PSORS1C1: variants seen among roughly 807,000 people sequenced by gnomAD.
PSORS1C1 encodes psoriasis susceptibility 1 candidate gene 1 protein.
A neutral mutation model predicts 9.4 loss-of-function variants in PSORS1C1; 7 were observed. The ratio of observed to expected loss-of-function variants is 0.75; its 90% CI spans 0.42 to 1.40. The LOEUF is 1.40. Ranked by LOEUF, PSORS1C1 falls within the 40% of genes most tolerant of loss-of-function variation. PSORS1C1 has a pLI of 0.01. For synonymous variants in PSORS1C1, 63 were observed against 69.4 expected, an observed-to-expected ratio of 0.91 and a Z score of 0.46; for missense variants, 146 against 178.1, an observed-to-expected ratio of 0.82 and a Z score of 1.02.
At chr6:31,138,848 G>A (rs1773304931) in intron 5 of PSORS1C1, 69 bp downstream of exon 5, 1 of 1,608,224 alleles carries the variant, frequency 6.2e-7, no homozygotes, top group Non-Finnish European at 8.5e-7. Context: ...TTTCTGGTGA[G>A]CCAGATGCAC....
intron 3 of PSORS1C1, chr6:31,137,827 C>A: frequency 2.1e-6 from 1 of 467,718 alleles, no homozygotes; most frequent in Non-Finnish European, 3.8e-6. Flanking sequence ...AGAATAAAAC[C>A]GAGGGAATGA....
intron 1 of PSORS1C1, among the ~76,000 whole-genome samples, chr6:31,124,990 T>C (rs3095304): frequency 0.87 from 132,000 of 151,726 alleles, 57,732 homozygotes; most frequent in Middle Eastern, 0.97. Context: ...TGAAGAATTC[T>C]TAAGTGAAGG....
chr6:31,139,227 GCCCAGGAC>G lies in PSORS1C1; in HGVS notation c.168-411_168-404del, dbSNP rs1180153428. On this transcript the variant is annotated intron_variant, in intron 5 of 5. Transcript: ENST00000259881. The surrounding 1 kb of genome is among the most constrained non-coding windows in gnomAD (Gnocchi z 5.2). ...TGGCGTCCCTTATTTTAGTCCTCCA[GCCCAGGAC>G]CCAGCTGCCTGCTCTCCCTATCATG... is the stretch of plus-strand genomic sequence containing the variant. 2 of 593,184 alleles carry G rather than the reference GCCCAGGAC, an allele frequency of 3.4e-6. No homozygotes were observed. The highest frequency in any genetic ancestry group is 5.6e-5 in the East Asian group (2 of 35,978). The allele number at this position is 593,184 out of a possible 1,614,324, so 36.7% of individuals were successfully genotyped here.
intron 4 of PSORS1C1, 84 bp downstream of exon 4, chr6:31,138,543 T>A: frequency 6.2e-7 from 1 of 1,607,436 alleles, no homozygotes; most frequent in Non-Finnish European, 8.5e-7. Flanking sequence ...TGACCCACTT[T>A]AAACTGACCA....
Position 31,138,653 on chromosome 6 carries a change from C to CA in PSORS1C1, c.44-2dup, listed in dbSNP as rs747723698. 1.7e-5 allele frequency: 28 copies of CA among 1,613,100 alleles called. 1 individual carries two copies. The highest frequency in any genetic ancestry group is 1.6e-4 in the Middle Eastern group (1 of 6,084). ...CCAAAGTGGGTTACACCTTGGCCCC[C>CA]AGGCACACAGACCCCAGCTTTACAA... is the stretch of plus-strand genomic sequence containing the variant. On this transcript the variant is annotated splice_region_variant and splice_polypyrimidine_tract_variant and intron_variant, in intron 4 of 5. Coordinates refer to ENST00000259881, the MANE Select transcript of PSORS1C1 (RefSeq NM_014068.3).
chr6:31,115,918 G>T lies in PSORS1C1; in HGVS notation c.-229+1027G>T. 1 of 995,770 alleles carries T rather than the reference G, an allele frequency of 1.0e-6. No homozygotes were observed. The highest frequency in any genetic ancestry group is 1.6e-6 in the Non-Finnish European group (1 of 636,636). The allele number at this position is 995,770 out of a possible 1,614,324, so 61.7% of individuals were successfully genotyped here. A position where few individuals can be genotyped will look rare whatever the true frequency, so the allele number is the denominator to read the frequency against. On this transcript the variant is annotated intron_variant, in intron 1 of 5. Coordinates refer to ENST00000259881, the MANE Select transcript of PSORS1C1 (RefSeq NM_014068.3). This position sits in a 1 kb window ranked among gnomAD's most constrained non-coding sequence, Gnocchi z 4.2. ...AGCAGAACCACTCTTTTGGGAAGGA[G>T]GGAAACTGAGCTAACCCTATGCCTG...
chr6:31,123,153 G>A (rs920374961), intron 1 of PSORS1C1, among the ~76,000 whole-genome samples: 30 of 152,122 alleles, frequency 2.0e-4, no homozygotes, highest in African/African-American at 5.1e-4. Context: ...GTCTCCAGCC[G>A]CCCACGTGGA....
chr6:31,139,246 G>A lies in PSORS1C1; in HGVS notation c.168-395G>A, dbSNP rs1269986578. 2.6e-5 allele frequency: 15 copies of A among 586,378 alleles called. No individual in the cohort carries two copies. Among genetic ancestry groups the A allele is most frequent in the Non-Finnish European group, 4.2e-5 (14 of 329,528 alleles). The allele number at this position is 586,378 out of a possible 1,614,324, so 36.3% of individuals were successfully genotyped here. On this transcript the variant is annotated intron_variant, in intron 5 of 5. Transcript: ENST00000259881. This position sits in a 1 kb window ranked among gnomAD's most constrained non-coding sequence, Gnocchi z 5.2. ...CCTCCAGCCCAGGACCCAGCTGCCT[G>A]CTCTCCCTATCATGACCCAGAGCCT... is the stretch of plus-strand genomic sequence containing the variant.
At chr6:31,135,772 C>T (rs1314370857) in intron 3 of PSORS1C1, among the ~76,000 whole-genome samples, 3 of 152,054 alleles carry the variant, frequency 2.0e-5, no homozygotes, top group African/African-American at 4.8e-5. Flanking sequence ...CGCGGTGGCT[C>T]GTGCCTGTAA....
chr6:31,129,394 A>G (rs890167813), intron 2 of PSORS1C1, among the ~76,000 whole-genome samples, 175 bp from the exon 3 acceptor site: 3 of 152,190 alleles, frequency 2.0e-5, no homozygotes, highest in Non-Finnish European at 4.4e-5. Flanking sequence ...AGCCAGCACA[A>G]TGGGTTTCCC....
chr6:31,116,015 A>T, intron 1 of PSORS1C1: 1 of 1,555,206 alleles, frequency 6.4e-7, no homozygotes, highest in Non-Finnish European at 8.6e-7. Context: ...CACACACAAC[A>T]GTTGACTTCT....
intron 1 of PSORS1C1, chr6:31,116,968 C>T (rs960179629): frequency 4.3e-6 from 7 of 1,614,170 alleles, no homozygotes; most frequent in South Asian, 1.1e-5. Flanking sequence ...ACTACAGGGA[C>T]GCTGGTTGGA....
At chr6:31,120,403 G>T in intron 1 of PSORS1C1, 1 of 1,589,734 alleles carries the variant, frequency 6.3e-7, no homozygotes, top group Non-Finnish European at 8.6e-7. Flanking sequence ...CATCCAGGGT[G>T]CCCGAGACGA....
Position 31,115,447 on chromosome 6 carries a change from G to A in PSORS1C1, c.-229+556G>A, listed in dbSNP as rs561384482. Reference sequence around the variant, plus strand: ...CTTGAGAGGCAATGGGTGTGTTGGGGACGGTGATCTAGGAGGGCGTGGTGA... The same window carrying A: ...CTTGAGAGGCAATGGGTGTGTTGGGAACGGTGATCTAGGAGGGCGTGGTGA... On this transcript the variant is annotated intron_variant, in intron 1 of 5. Coordinates refer to ENST00000259881, the MANE Select transcript of PSORS1C1 (RefSeq NM_014068.3). The surrounding 1 kb of genome is among the most constrained non-coding windows in gnomAD (Gnocchi z 4.2). 6.0e-6 allele frequency: 1 copy of A among 167,840 alleles called. No homozygotes were observed. Among genetic ancestry groups the A allele is most frequent in the African/African-American group, 2.4e-5 (1 of 41,682 alleles). 10.4% of individuals were successfully genotyped at this position (167,840 alleles called of 1,614,324 possible). A position where few individuals can be genotyped will look rare whatever the true frequency, so the allele number is the denominator to read the frequency against.
intron 3 of PSORS1C1, among the ~76,000 whole-genome samples, chr6:31,130,262 T>C (rs1451002476): frequency 1.0e-5 from 1 of 99,974 alleles, no homozygotes; most frequent in Non-Finnish European, 2.0e-5. Context: ...CTAGGCACAA[T>C]TTTTTTTTTT....
At chr6:31,131,039 G>A (rs1360455033) in intron 3 of PSORS1C1, among the ~76,000 whole-genome samples, 2 of 151,898 alleles carry the variant, frequency 1.3e-5, no homozygotes. Context: ...TGTTGCCCAG[G>A]CCCAGGCACA....
chr6:31,121,958 C>T (rs1772483504), intron 1 of PSORS1C1, among the ~76,000 whole-genome samples: 1 of 152,176 alleles, frequency 6.6e-6, no homozygotes, highest in African/African-American at 2.4e-5. Flanking sequence ...GCTAGTGACA[C>T]TCAGAATGGG....
intron 3 of PSORS1C1, 62 bp downstream of exon 3, chr6:31,129,707 T>A (rs3734860): frequency 0.078 from 60,991 of 778,172 alleles, 2,891 homozygotes; most frequent in African/African-American, 0.16. Flanking sequence ...ATTTGCTTTA[T>A]TGAGTGCCTT....
At chr6:31,125,079 G>T (rs2150965691) in intron 1 of PSORS1C1, among the ~76,000 whole-genome samples, 1 of 152,308 alleles carries the variant, frequency 6.6e-6, no homozygotes, top group South Asian at 2.1e-4. Flanking sequence ...TCTAGCACAA[G>T]TGTTTCACAT....
Sources: gnomAD v4.1 joint callset for allele counts (sites outside exome capture counted in the v4.1 genomes callset) on GRCh38, gnomAD v4.1.1 for gene constraint, Gnocchi (gnomAD v3.1) non-coding constraint, MANE v1.5 for transcripts, NCBI Gene and HGNC (gene_info 2026-07-23, HGNC 2026-07-21) for gene names.